NUP205: variants seen among roughly 807,000 people sequenced by gnomAD.
NUP205 encodes nuclear pore complex protein Nup205.
A neutral mutation model predicts 253.8 loss-of-function variants in NUP205; 76 were observed. The ratio of observed to expected loss-of-function variants is 0.30; its 90% CI spans 0.25 to 0.36. NUP205 has a LOEUF of 0.36. Among genes scored for constraint, NUP205 ranks in the 10% least tolerant of loss-of-function variants. The pLI is 1.00. For missense variants in NUP205, 2,162 were observed against 2,425.5 expected (o/e 0.89, Z 2.28); for synonymous variants, 832 against 850.1 (o/e 0.98, Z 0.37).
chr7:135,566,776 T>G (rs1805772134), intron 1 of NUP205, among the ~76,000 whole-genome samples: 1 of 152,086 alleles, frequency 6.6e-6, no homozygotes, highest in African/African-American at 2.4e-5. Context: ...CTTGCTCTGT[T>G]GCCCAGGCTG....
At chr7:135,562,252 G>C (rs1178504705) in intron 1 of NUP205, among the ~76,000 whole-genome samples, 1 of 151,916 alleles carries the variant, frequency 6.6e-6, no homozygotes, top group South Asian at 2.1e-4. Flanking sequence ...ACTGGAGTGC[G>C]GTGGTGTGAT....
At chr7:135,563,468 G>A (rs150419383) in intron 1 of NUP205, among the ~76,000 whole-genome samples, 14 of 152,172 alleles carry the variant, frequency 9.2e-5, no homozygotes, top group East Asian at 1.9e-4. Flanking sequence ...GATTACAGGC[G>A]TGAGCCACTG....
intron 31 of NUP205, among the ~76,000 whole-genome samples, chr7:135,623,448 G>A (rs1304588162): frequency 1.3e-5 from 2 of 152,018 alleles, no homozygotes; most frequent in African/African-American, 4.8e-5. Flanking sequence ...ATTCAGAATT[G>A]CCTTTCAGAA....
At position 135,617,230 on chromosome 7, in the gene NUP205, A is replaced by G. The variant is rs1563130470; in HGVS notation, c.3673A>G (p.Thr1225Ala). The change falls in exon 26 of 43, where the codon ACA (threonine) becomes GCA (alanine). Residue 1225 changes from threonine to alanine, a missense_variant. This residue lies in a region of NUP205 where 1,144 missense variants were observed against 1,280.9 expected (regional missense o/e 0.89). Coordinates refer to ENST00000285968, the MANE Select transcript of NUP205 (RefSeq NM_015135.3). ...TGAACACAAGAATTTACGGGGACAG[A>G]CAGTCTGCAATGTCAAGGTGAGGAT... is the stretch of plus-strand genomic sequence containing the variant. ...NCEHKNLRGQ[T>A]VCNVKLLHRV... The G allele has an allele frequency of 1.2e-6, 2 of 1,613,792 alleles. No homozygotes were observed. Among genetic ancestry groups the G allele is most frequent in the Non-Finnish European group, 1.7e-6 (2 of 1,179,816 alleles).
chr7:135,591,638 T>C (rs969069359), intron 11 of NUP205, 38 bp downstream of exon 11: 6 of 1,589,330 alleles, frequency 3.8e-6, no homozygotes, highest in Non-Finnish European at 5.1e-6. Flanking sequence ...TTTGTTGTTA[T>C]ACTCTTTTAA....
intron 5 of NUP205, 128 bp from the exon 6 acceptor site, chr7:135,577,668 G>A (rs774757817): frequency 7.6e-5 from 50 of 654,302 alleles, no homozygotes; most frequent in African/African-American, 4.7e-4. Context: ...CAGAGGTGAC[G>A]TCTTAGGATC....
chr7:135,569,794 G>C (rs1384823979), intron 1 of NUP205, among the ~76,000 whole-genome samples: 1 of 151,814 alleles, frequency 6.6e-6, no homozygotes, highest in Non-Finnish European at 1.5e-5. Flanking sequence ...GTATTTCTAT[G>C]CTGTTTTATA....
chr7:135,604,113 T>C (rs1366984631), intron 18 of NUP205, among the ~76,000 whole-genome samples: 1 of 152,204 alleles, frequency 6.6e-6, no homozygotes, highest in Non-Finnish European at 1.5e-5. Context: ...GACCCTACTT[T>C]CAGATAAGGT....
rs138262009 is a variant in NUP205 at position 135,604,971 on chromosome 7, G to A, written c.2823+511G>A. ...CTGTTCACTGAATACCTACAATTGC[G>A]GAATCTGCTTTTTTTTTTCTTTATG... On this transcript the variant is annotated intron_variant, in intron 19 of 42. Coordinates refer to ENST00000285968, the MANE Select transcript of NUP205 (RefSeq NM_015135.3). 4.6e-5 allele frequency among the ~76,000 whole-genome samples: 7 copies of A among 152,098 alleles called. No individual in the cohort carries two copies. In the East Asian group the frequency reaches 5.8e-4, roughly 13 times the overall value.
chr7:135,619,599 T>C lies in NUP205; in HGVS notation c.4140T>C (p.Pro1380=). 1.9e-6 allele frequency: 3 copies of C among 1,614,186 alleles called. No individual in the cohort carries two copies. The highest frequency in any genetic ancestry group is 2.5e-6 in the Non-Finnish European group (3 of 1,180,016). Residue 1380 remains proline (P), a synonymous_variant, in exon 29 of 43, where the codon CCT becomes CCC. Coordinates refer to ENST00000285968, the MANE Select transcript of NUP205 (RefSeq NM_015135.3). ...MLDSCFTSPP[P]EENPLVGFAS... ...ATAGTTGCTTCACCTCACCTCCTCC[T>C]GAAGAGAACCCATTAGTGGGTTTTG...
chr7:135,617,749 A>C lies in NUP205; in HGVS notation c.3771+67A>C. 3 of 962,668 alleles carry C rather than the reference A, an allele frequency of 3.1e-6. No individual in the cohort carries two copies. The Admixed American group carries it at 5.7e-5, about 18-fold the overall frequency. 59.6% of individuals were successfully genotyped at this position (962,668 alleles called of 1,614,324 possible). A position where few individuals can be genotyped will look rare whatever the true frequency, so the allele number is the denominator to read the frequency against. On this transcript the variant is annotated intron_variant, in intron 27 of 42. Coordinates refer to ENST00000285968, the MANE Select transcript of NUP205 (RefSeq NM_015135.3). ...ACTTAGGTTGCTGGTGAAAAGACTA[A>C]AATAGTATATTGACATGTAGTTTGC...
At chr7:135,635,420 G>A (rs1222310742) in intron 35 of NUP205, 161 bp from the exon 36 acceptor site, 3 of 445,518 alleles carry the variant, frequency 6.7e-6, no homozygotes, top group Non-Finnish European at 1.2e-5. Flanking sequence ...TATATAACAG[G>A]TACTTACAGT....
intron 30 of NUP205, 78 bp from the exon 31 acceptor site, chr7:135,622,699 C>A: frequency 4.0e-6 from 5 of 1,255,164 alleles, no homozygotes; most frequent in Non-Finnish European, 5.6e-6. Flanking sequence ...TTAGCTCATA[C>A]CTAGCATGTG....
intron 30 of NUP205, among the ~76,000 whole-genome samples, chr7:135,620,964 A>G (rs569361777): frequency 2.0e-5 from 3 of 152,372 alleles, no homozygotes; most frequent in Admixed American, 2.0e-4. Flanking sequence ...TCAGTATATA[A>G]TGCTTTATAT....
chr7:135,622,518 A>G (rs1427625847), intron 30 of NUP205, among the ~76,000 whole-genome samples: 1 of 152,044 alleles, frequency 6.6e-6, no homozygotes, highest in Non-Finnish European at 1.5e-5. Flanking sequence ...GATCTCTTTC[A>G]GAATGATTTA....
At chr7:135,586,882 CAT>C (rs1411230305) in intron 8 of NUP205, among the ~76,000 whole-genome samples, 4 of 152,240 alleles carry the variant, frequency 2.6e-5, no homozygotes, top group East Asian at 1.9e-4. Flanking sequence ...GAAAGGAACA[CAT>C]ATTTTGCTGC....
intron 2 of NUP205, among the ~76,000 whole-genome samples, chr7:135,573,321 T>A (rs74979611): frequency 0.025 from 3,817 of 152,316 alleles, 80 homozygotes; most frequent in South Asian, 0.077. Flanking sequence ...ATTTGTTATG[T>A]ACCATTTGAA....
In NUP205 at chr7:135,598,126, C is replaced by A; in HGVS notation, c.2193C>A (p.Gly731=). The A allele has an allele frequency of 6.2e-7, 1 of 1,614,124 alleles. No individual in the cohort carries two copies. Among genetic ancestry groups the A allele is most frequent in the East Asian group, 2.2e-5 (1 of 44,880 alleles). Residue 731 remains glycine, a synonymous_variant, in exon 15 of 43, where the codon GGC becomes GGA. Coordinates refer to ENST00000285968, the MANE Select transcript of NUP205 (RefSeq NM_015135.3). ...TGGGTGCTGGACTGCGGCCCCCTGG[C>A]TTTGACCCTTATTTGCAGTTCCTTA... is the stretch of plus-strand genomic sequence containing the variant. ...SNLGAGLRPP[G]FDPYLQFLRD...
chr7:135,607,420 A>G (rs1420060041), intron 22 of NUP205, 49 bp downstream of exon 22: 1 of 1,595,188 alleles, frequency 6.3e-7, no homozygotes. Context: ...AAACTTGACC[A>G]GGTGCATGAG....
Sources: gnomAD v4.1 joint callset for allele counts (sites outside exome capture counted in the v4.1 genomes callset) on GRCh38, gnomAD v4.1.1 for gene constraint, gnomAD v4.1.1 regional missense constraint, MANE v1.5 for transcripts, NCBI Gene and HGNC (gene_info 2026-07-23, HGNC 2026-07-21) for gene names.